Variants in ARHGAP25 observed in about 807,000 individuals in gnomAD.
ARHGAP25 encodes the protein Rho GTPase activating protein 25, also known as rho GTPase-activating protein 25.
Under a neutral mutation model 71.0 loss-of-function variants are expected in ARHGAP25, and 34 were observed. The observed-to-expected ratio is 0.48, with a 90% CI of 0.36 to 0.64. The LOEUF is 0.64. Among genes scored for constraint, ARHGAP25 ranks in the 30% least tolerant of loss-of-function variants. The pLI is 0.00. For missense variants in ARHGAP25, 706 were observed against 805.1 expected (o/e 0.88, Z 1.49); for synonymous variants, 282 against 296.5 (o/e 0.95, Z 0.50).
chr2:68,754,238 T>C lies in ARHGAP25; in HGVS notation c.61+18978T>C, dbSNP rs143442577. Among the ~76,000 whole-genome samples the C allele has an allele frequency of 2.4e-3, 368 of 152,280 alleles. 3 individuals carry two copies. The highest frequency in any genetic ancestry group is 8.5e-3 in the African/African-American group (352 of 41,562). On this transcript the variant is annotated intron_variant, in intron 1 of 10. Coordinates refer to ENST00000409202, the MANE Select transcript of ARHGAP25 (RefSeq NM_001007231.3). ...ACTGTAAAAAAATTTTCTCCTCTCA[T>C]CTATTTCTAGTCAGCCCCTCTCACC...
At chr2:68,727,889 C>G (rs911081405) in intron 2 of ARHGAP25, among the ~76,000 whole-genome samples, 1 of 152,220 alleles carries the variant, frequency 6.6e-6, no homozygotes, top group Non-Finnish European at 1.5e-5. Context: ...TTCAGCAGAT[C>G]TAATCACTCC....
chr2:68,712,909 T>C (rs1674521227), intron 2 of ARHGAP25, among the ~76,000 whole-genome samples: 1 of 152,220 alleles, frequency 6.6e-6, no homozygotes, highest in Non-Finnish European at 1.5e-5. Flanking sequence ...TTGGTTACTG[T>C]AGCCTTGTAG....
chr2:68,804,855 T>C (rs1409423800), intron 4 of ARHGAP25, among the ~76,000 whole-genome samples: 1 of 152,224 alleles, frequency 6.6e-6, no homozygotes, highest in Non-Finnish European at 1.5e-5. Context: ...GTTGACTGTC[T>C]ACCTTTTGCC....
At chr2:68,717,244 C>A (rs1187313530) in intron 2 of ARHGAP25, among the ~76,000 whole-genome samples, 2 of 152,264 alleles carry the variant, frequency 1.3e-5, no homozygotes, top group Middle Eastern at 3.4e-3. Context: ...ATATTATTAT[C>A]TTATGAAACC....
At chr2:68,731,919 C>T (rs543269338), upstream of ARHGAP25, among the ~76,000 whole-genome samples, 14 of 152,228 alleles carry the variant, frequency 9.2e-5, no homozygotes, top group South Asian at 2.3e-3. Context: ...AGACAACAGC[C>T]GGTGTCAGGG....
chr2:68,753,755 T>A (rs1256900328), intron 1 of ARHGAP25, among the ~76,000 whole-genome samples: 1 of 152,140 alleles, frequency 6.6e-6, no homozygotes, highest in Non-Finnish European at 1.5e-5. Context: ...TATCACTTAA[T>A]TTTTTTCATT....
At chr2:68,822,951 GAA>G (rs1334786725) in intron 10 of ARHGAP25, 79 bp downstream of exon 10, 1 of 1,414,420 alleles carries the variant, frequency 7.1e-7, no homozygotes, top group Non-Finnish European at 9.5e-7. Flanking sequence ...ATCCGCCAGA[GAA>G]GTCACATCAT....
chr2:68,766,733 T>TC (rs1558622673), intron 1 of ARHGAP25, among the ~76,000 whole-genome samples: 1 of 149,874 alleles, frequency 6.7e-6, no homozygotes, highest in African/African-American at 2.5e-5. Flanking sequence ...TCTCTCTCTC[T>TC]TGTTCTCACT....
intron 2 of ARHGAP25, among the ~76,000 whole-genome samples, chr2:68,718,701 T>C (rs1017131884): frequency 6.6e-6 from 1 of 152,220 alleles, no homozygotes; most frequent in East Asian, 1.9e-4. Context: ...GTACGGGTAC[T>C]AGCAGCATCA....
chr2:68,771,826 T>C (rs1268743667), intron 1 of ARHGAP25, among the ~76,000 whole-genome samples: 6 of 152,228 alleles, frequency 3.9e-5, no homozygotes, highest in African/African-American at 1.4e-4. Flanking sequence ...TAACAGGCAC[T>C]AAAGAAACAC....
rs749378655 is a variant in ARHGAP25, at chr2:68,782,276, C to A, written c.305C>A (p.Thr102Lys). ...GGATGTACAATCAAGGAGATCGCCA[C>A]AAACCCAGAAGAAGCTGGGAAGTTT... ...LPGCTIKEIA[T>K]NPEEAGKFVF... The change falls in exon 3 of 11, where the codon ACA (threonine) becomes AAA (lysine). Residue 102 changes from threonine to lysine, a missense_variant. Physicochemically the swap from Thr to Lys is moderately conservative, Grantham distance 78 (BLOSUM62 -1). Coordinates refer to ENST00000409202, the MANE Select transcript of ARHGAP25 (RefSeq NM_001007231.3). 1 of 1,614,134 alleles carries A rather than the reference C, an allele frequency of 6.2e-7. No homozygotes were observed. The highest frequency in any genetic ancestry group is 8.5e-7 in the Non-Finnish European group (1 of 1,180,000).
Position 68,754,525 on chromosome 2 carries a change from C to T in ARHGAP25, c.61+19265C>T, listed in dbSNP as rs913016469. Among the ~76,000 whole-genome samples the T allele has an allele frequency of 2.6e-5, 4 of 152,274 alleles. No individual in the cohort carries two copies. The East Asian group carries it at 5.8e-4, about 22-fold the overall frequency. On this transcript the variant is annotated intron_variant, in intron 1 of 10. Transcript: ENST00000409202. ...GATTGTCTCTAACTTTTAGACATTACGAATAAACTGTTGTAAATATTTGCT... is the reference window on the plus strand; with the variant it reads ...GATTGTCTCTAACTTTTAGACATTATGAATAAACTGTTGTAAATATTTGCT...
chr2:68,814,231 T>C (rs1224042829), intron 6 of ARHGAP25, among the ~76,000 whole-genome samples: 3 of 152,232 alleles, frequency 2.0e-5, no homozygotes, highest in Admixed American at 6.5e-5. Context: ...ATTTTGCCAT[T>C]AGACAAATTA....
intron 2 of ARHGAP25, among the ~76,000 whole-genome samples, chr2:68,728,347 T>C (rs1177041472): frequency 6.6e-6 from 1 of 152,136 alleles, no homozygotes; most frequent in Non-Finnish European, 1.5e-5. Flanking sequence ...TGTTGGGGAA[T>C]ACGTGGAAAA....
At chr2:68,735,431 C>T in intron 1 of ARHGAP25, 171 bp downstream of exon 1, 1 of 671,868 alleles carries the variant, frequency 1.5e-6, no homozygotes, top group Non-Finnish European at 2.6e-6. Context: ...TTCTAAAATG[C>T]TGGGAGGGGG....
At position 68,807,362 on chromosome 2, in the gene ARHGAP25, G is replaced by A. The variant is rs1304996934; in HGVS notation, c.556G>A (p.Glu186Lys). Residue 186 changes from glutamate (E) to lysine (K), a missense_variant, in exon 5 of 11, where the codon GAG (glutamate) becomes AAG (lysine). By Grantham distance (56) the Glu-to-Lys change is moderately conservative. Transcript: ENST00000409202. Reference sequence around the variant, plus strand: ...GCCCATCCTGGTGGAGAAATGTGCAGAGTTCATCCTGGAGCACGGCCGGAA... The same window carrying A: ...GCCCATCCTGGTGGAGAAATGTGCAAAGTTCATCCTGGAGCACGGCCGGAA... ...LVPILVEKCA[E>K]FILEHGRNEE... 1.1e-5 allele frequency: 18 copies of A among 1,614,142 alleles called. No individual in the cohort carries two copies. The highest frequency in any genetic ancestry group is 1.4e-5 in the Non-Finnish European group (17 of 1,180,056).
chr2:68,802,710 AGAGAGAG>A (rs1336216905), intron 4 of ARHGAP25, among the ~76,000 whole-genome samples: 2 of 29,060 alleles, frequency 6.9e-5, no homozygotes, highest in Non-Finnish European at 1.7e-4. Context: ...GAGGAGAAAG[AGAGAGAG>A]AGAGAGAGAG....
intron 1 of ARHGAP25, 101 bp downstream of exon 1, chr2:68,735,361 C>A: frequency 7.9e-7 from 1 of 1,264,352 alleles, no homozygotes; most frequent in Non-Finnish European, 1.1e-6. Flanking sequence ...AAAAATGGAT[C>A]TCGCAGCAAA....
chr2:68,738,092 GAACA>G (rs961978185), intron 1 of ARHGAP25, among the ~76,000 whole-genome samples: 16 of 152,186 alleles, frequency 1.1e-4, no homozygotes, highest in African/African-American at 3.4e-4. Context: ...GGAAAATGCA[GAACA>G]AACAGTCTTG....
Sources: gnomAD v4.1 joint callset for allele counts (sites outside exome capture counted in the v4.1 genomes callset) on GRCh38, gnomAD v4.1.1 for gene constraint, MANE v1.5 for transcripts, NCBI Gene and HGNC (gene_info 2026-07-23, HGNC 2026-07-21) for gene names.